GRIK1: variants seen among roughly 807,000 people sequenced by gnomAD.
GRIK1 encodes glutamate receptor ionotropic, kainate 1.
GRIK1 carries 69 observed loss-of-function variants against 105.7 expected under a neutral mutation model. That is an observed-to-expected ratio of 0.65 (90% CI 0.54 to 0.80). GRIK1 has a LOEUF of 0.80. GRIK1 is among the 30% of genes least tolerant of loss of function. GRIK1 has a pLI of 0.00. For missense variants in GRIK1, 1,109 were observed against 1,167.3 expected (o/e 0.95, Z 0.73); for synonymous variants, 438 against 431.3 (o/e 1.02, Z -0.19).
At chr21:29,686,790 T>C (rs1056169666) in intron 3 of GRIK1, among the ~76,000 whole-genome samples, 3 of 152,174 alleles carry the variant, frequency 2.0e-5, no homozygotes, top group Non-Finnish European at 4.4e-5. Flanking sequence ...TTCCCTGAGA[T>C]TGGCTTTGAG....
intron 1 of GRIK1, among the ~76,000 whole-genome samples, chr21:29,863,175 T>C (rs149663792): frequency 4.5e-4 from 68 of 152,358 alleles, no homozygotes; most frequent in Non-Finnish European, 8.4e-4. Flanking sequence ...ACAGTATATG[T>C]GTGATTTCCA....
intron 1 of GRIK1, among the ~76,000 whole-genome samples, chr21:29,817,899 A>G (rs2067196478): frequency 6.6e-6 from 1 of 152,118 alleles, no homozygotes; most frequent in Non-Finnish European, 1.5e-5. Flanking sequence ...TTAGTTGGCT[A>G]CGCATTAAAC....
intron 8 of GRIK1, chr21:29,596,843 A>G (rs1215204218): frequency 4.3e-6 from 2 of 461,930 alleles, no homozygotes; most frequent in East Asian, 8.6e-5. Context: ...TTTTCAATGT[A>G]TACAGGTATG....
chr21:29,937,725 A>G (rs1360003657), intron 1 of GRIK1, among the ~76,000 whole-genome samples: 1 of 152,104 alleles, frequency 6.6e-6, no homozygotes, highest in Non-Finnish European at 1.5e-5. Flanking sequence ...CACAAGCAAA[A>G]CCCCAATTAA....
chr21:29,875,777 C>T (rs1033335559), intron 1 of GRIK1, among the ~76,000 whole-genome samples: 1 of 152,136 alleles, frequency 6.6e-6, no homozygotes, highest in Admixed American at 6.6e-5. Context: ...AAATATCCAT[C>T]GGGATTTTGG....
chr21:29,560,523 T>C lies in GRIK1; in HGVS notation c.2356+1101A>G, dbSNP rs866494471. Among the ~76,000 whole-genome samples, 250 of 72,432 alleles carry C rather than the reference T, an allele frequency of 3.5e-3. 7 individuals carry two copies. The highest frequency in any genetic ancestry group is 4.7e-3 in the Non-Finnish European group (183 of 38,898). 47.5% of individuals were successfully genotyped at this position (72,432 alleles called of 152,430 possible). ...TCCTTCCTTCCTTCCTTCCTTCCTT[T>C]CTTTCTTTCTTTCTTTCTTTCTTTC... is the stretch of plus-strand genomic sequence containing the variant. On this transcript the variant is annotated intron_variant, in intron 15 of 17. Coordinates refer to ENST00000327783, the MANE Select transcript of GRIK1 (RefSeq NM_001330994.2).
Position 29,709,138 on chromosome 21 carries a change from A to G in GRIK1, c.119-15075T>C, listed in dbSNP as rs377665083. Among the ~76,000 whole-genome samples, 21 of 152,274 alleles carry G rather than the reference A, an allele frequency of 1.4e-4. No individual in the cohort carries two copies. The East Asian group carries it at 3.7e-3, about 27-fold the overall frequency. On this transcript the variant is annotated intron_variant, in intron 1 of 17. Coordinates refer to ENST00000327783, the MANE Select transcript of GRIK1 (RefSeq NM_001330994.2). ...TCTGTTATACCACCTTTGTGACATA[A>G]TAATTGTCATATAATTTAATTTCTG...
At chr21:29,779,596 G>A (rs1456319483) in intron 1 of GRIK1, among the ~76,000 whole-genome samples, 2 of 152,018 alleles carry the variant, frequency 1.3e-5, no homozygotes, top group African/African-American at 2.4e-5. Context: ...TAGGTCAATT[G>A]AAGAGGTAAG....
intron 1 of GRIK1, among the ~76,000 whole-genome samples, chr21:29,895,903 C>G (rs1339555483): frequency 6.6e-6 from 1 of 152,206 alleles, no homozygotes; most frequent in Admixed American, 6.5e-5. Context: ...GACTTCTCAT[C>G]ATACTCAGTG....
chr21:29,712,361 T>C lies in GRIK1; in HGVS notation c.119-18298A>G, dbSNP rs543023931. ...GAATAAATTCTTGTGAATAAAATGG[T>C]ATTGGTACATCTCTTTATTTCCTTA... On this transcript the variant is annotated intron_variant, in intron 1 of 17. Coordinates refer to ENST00000327783, the MANE Select transcript of GRIK1 (RefSeq NM_001330994.2). 2.6e-5 allele frequency among the ~76,000 whole-genome samples: 4 copies of C among 152,230 alleles called. No individual in the cohort carries two copies. In the South Asian group the frequency reaches 8.3e-4, roughly 32 times the overall value.
intron 1 of GRIK1, among the ~76,000 whole-genome samples, chr21:29,938,803 C>G (rs1042844868): frequency 1.3e-5 from 2 of 151,818 alleles, no homozygotes; most frequent in Admixed American, 1.3e-4. Flanking sequence ...TGAACTCTGC[C>G]CCAATCTAGT....
chr21:29,898,787 G>T (rs2070273933), intron 1 of GRIK1, among the ~76,000 whole-genome samples: 1 of 152,110 alleles, frequency 6.6e-6, no homozygotes, highest in Non-Finnish European at 1.5e-5. Context: ...AGCAGGCAAA[G>T]GTATTTTGAG....
At chr21:29,641,058 C>T (rs140251850) in intron 7 of GRIK1, among the ~76,000 whole-genome samples, 20 of 152,274 alleles carry the variant, frequency 1.3e-4, no homozygotes, top group Non-Finnish European at 8.8e-5. Flanking sequence ...GGTTTCTGAA[C>T]TATTCTTCAC....
intron 16 of GRIK1, chr21:29,553,059 G>A (rs2146119152): frequency 5.9e-6 from 1 of 169,452 alleles, no homozygotes; most frequent in African/African-American, 2.4e-5. Flanking sequence ...AATTAACATT[G>A]TTATGGAGTT....
At chr21:29,891,210 AG>A (rs1288591028) in intron 1 of GRIK1, among the ~76,000 whole-genome samples, 1 of 152,178 alleles carries the variant, frequency 6.6e-6, no homozygotes, top group Non-Finnish European at 1.5e-5. Context: ...TGTGTGGAAA[AG>A]CCAAAGAAAA....
chr21:29,926,823 T>A (rs2071387017), intron 1 of GRIK1, among the ~76,000 whole-genome samples: 1 of 152,184 alleles, frequency 6.6e-6, no homozygotes, highest in Non-Finnish European at 1.5e-5. Context: ...TTATAACAGT[T>A]TTGTTGTGTT....
Position 29,939,450 on chromosome 21 carries a change from G to C in GRIK1, c.51C>G (p.Thr17=). 6.2e-7 allele frequency: 1 copy of C among 1,601,926 alleles called. No homozygotes were observed. The highest frequency in any genetic ancestry group is 8.5e-7 in the Non-Finnish European group (1 of 1,174,032). ...LAQPGLWTRD[T]SWALLYFLCY... is the part of the protein sequence containing the mutation. ...AGAGGAAATAGAGGAGTGCCCAGCT[G>C]GTGTCCCTGGTCCAGAGCCCGGGCT... The change falls in exon 1 of 18, where the codon ACC becomes ACG. Residue 17 remains threonine (T), a synonymous_variant. Transcript: ENST00000327783.
chr21:29,747,638 G>A (rs2065079654), intron 1 of GRIK1, among the ~76,000 whole-genome samples: 1 of 152,156 alleles, frequency 6.6e-6, no homozygotes, highest in Admixed American at 6.5e-5. Context: ...AGACCATCCT[G>A]GCCAATATGG....
rs755970494 is a variant in GRIK1 at position 29,693,918 on chromosome 21, A to G, written c.264T>C (p.Asp88=). 1 of 1,613,318 alleles carries G rather than the reference A, an allele frequency of 6.2e-7. No homozygotes were observed. The highest frequency in any genetic ancestry group is 8.5e-7 in the Non-Finnish European group (1 of 1,179,486). The part of the protein sequence containing the change: ...TYDIQRINLF[D]SFEASRRACD... ...TACCTCTCCGCGAGGCTTCAAAACTATCAAAAAGGTTAATTCTCTGGATGT... is the reference window on the plus strand; with the variant it reads ...TACCTCTCCGCGAGGCTTCAAAACTGTCAAAAAGGTTAATTCTCTGGATGT... The change falls in exon 2 of 18, where the codon GAT becomes GAC. Residue 88 remains aspartate, a synonymous_variant. Transcript: ENST00000327783.
Sources: gnomAD v4.1 joint callset for allele counts (sites outside exome capture counted in the v4.1 genomes callset) on GRCh38, gnomAD v4.1.1 for gene constraint, MANE v1.5 for transcripts, NCBI Gene and HGNC (gene_info 2026-07-23, HGNC 2026-07-21) for gene names.